The following ERI3 variants were observed in gnomAD, a reference collection of about 807,000 sequenced individuals.
ERI3 encodes ERI1 exoribonuclease family member 3.
ERI3 carries 18 observed loss-of-function variants against 44.4 expected under a neutral mutation model. That is an observed-to-expected ratio of 0.41 (90% CI 0.28 to 0.60). ERI3 has a LOEUF of 0.60. Ranked by LOEUF, ERI3 falls within the 20% of genes least tolerant of loss-of-function variation. The pLI, the probability that ERI3 is intolerant of heterozygous loss-of-function variation, is 0.36. For missense variants in ERI3, 294 were observed against 435.5 expected (o/e 0.68, Z 2.89); for synonymous variants, 183 against 164.8 (o/e 1.11, Z -0.84).
At chr1:44,285,015 G>T (rs1191409662) in intron 6 of ERI3, 108 bp from the exon 7 acceptor site, 12 of 928,034 alleles carry the variant, frequency 1.3e-5, no homozygotes, top group Non-Finnish European at 2.1e-5. Context: ...GACCTCAAAA[G>T]GTCAACCCAT....
chr1:44,305,955 G>A (rs564221310), intron 6 of ERI3, among the ~76,000 whole-genome samples: 13 of 152,332 alleles, frequency 8.5e-5, no homozygotes, highest in African/African-American at 2.6e-4. Flanking sequence ...AGCCTTTACC[G>A]GGCGCATAAA....
At chr1:44,275,990 C>T (rs1280538613) in intron 7 of ERI3, among the ~76,000 whole-genome samples, 3 of 152,180 alleles carry the variant, frequency 2.0e-5, no homozygotes, top group African/African-American at 7.2e-5. Context: ...CCTCAGGCTG[C>T]TTCCACTCAA....
At chr1:44,320,125 T>A (rs1057329494) in intron 3 of ERI3, among the ~76,000 whole-genome samples, 1 of 152,184 alleles carries the variant, frequency 6.6e-6, no homozygotes, top group Non-Finnish European at 1.5e-5. Context: ...ATGGGTCTGA[T>A]CTCCTGCCAT....
intron 3 of ERI3, among the ~76,000 whole-genome samples, chr1:44,320,494 T>A (rs1332086645): frequency 6.6e-6 from 1 of 152,092 alleles, no homozygotes; most frequent in Admixed American, 6.5e-5. Context: ...GCAAACAGGC[T>A]TGCAGAACGC....
chr1:44,236,261 G>T (rs1444633349), intron 8 of ERI3, among the ~76,000 whole-genome samples: 1 of 152,214 alleles, frequency 6.6e-6, no homozygotes, highest in Non-Finnish European at 1.5e-5. Flanking sequence ...TTTACTATCT[G>T]CCTATACGTG....
intron 7 of ERI3, among the ~76,000 whole-genome samples, chr1:44,248,700 A>AGTGTGTGTGTGT (rs1292976718): frequency 1.9e-5 from 2 of 106,502 alleles, no homozygotes; most frequent in African/African-American, 9.5e-5. Flanking sequence ...TGTGTGAGAG[A>AGTGTGTGTGTGT]GAGTGTGTGT....
intron 7 of ERI3, among the ~76,000 whole-genome samples, chr1:44,258,278 C>A (rs1196531897): frequency 6.6e-6 from 1 of 152,230 alleles, no homozygotes; most frequent in Non-Finnish European, 1.5e-5. Context: ...AGGCAAAGCA[C>A]TTTAAGTTTC....
intron 2 of ERI3, among the ~76,000 whole-genome samples, chr1:44,351,538 A>G (rs978084296): frequency 2.6e-5 from 4 of 152,232 alleles, no homozygotes; most frequent in African/African-American, 7.2e-5. Flanking sequence ...ACTTTCATGC[A>G]TAACTGCAGA....
chr1:44,251,156 G>T (rs1284192127), intron 7 of ERI3, among the ~76,000 whole-genome samples: 1 of 152,208 alleles, frequency 6.6e-6, no homozygotes, highest in Admixed American at 6.5e-5. Flanking sequence ...GCCAACATAT[G>T]GTCTGCCAAC....
intron 3 of ERI3, among the ~76,000 whole-genome samples, chr1:44,330,921 T>C (rs567652114): frequency 6.6e-6 from 1 of 152,216 alleles, no homozygotes; most frequent in South Asian, 2.1e-4. Flanking sequence ...TGGAGATCAG[T>C]CTACAAAAGA....
chr1:44,294,989 A>C (rs1250345626), intron 6 of ERI3, among the ~76,000 whole-genome samples: 2 of 152,236 alleles, frequency 1.3e-5, no homozygotes, highest in Non-Finnish European at 2.9e-5. Flanking sequence ...TACTCAAGAC[A>C]CAGCTGTACC....
At chr1:44,288,937 G>A (rs901413891) in intron 6 of ERI3, among the ~76,000 whole-genome samples, 1 of 152,182 alleles carries the variant, frequency 6.6e-6, no homozygotes, top group Non-Finnish European at 1.5e-5. Flanking sequence ...ACTGGCAGTG[G>A]GCCCTGGACT....
intron 3 of ERI3, among the ~76,000 whole-genome samples, chr1:44,328,047 G>C (rs751428185): frequency 1.3e-5 from 2 of 152,190 alleles, no homozygotes; most frequent in Non-Finnish European, 2.9e-5. Flanking sequence ...CATAGCCCCA[G>C]GGACTGCTGA....
rs1474340121 is a variant in ERI3 at position 44,252,029 on chromosome 1, T to C, written c.832-3991A>G. 6.6e-6 allele frequency among the ~76,000 whole-genome samples: 1 copy of C among 152,220 alleles called. No homozygotes were observed. Among genetic ancestry groups the C allele is most frequent in the Non-Finnish European group, 1.5e-5 (1 of 68,028 alleles). Reference sequence around the variant, plus strand: ...CCAAATCCTCTGGGTGCCACTTCTTTGGCTGCATCTCTCTCAGCCATCAGG... The same window carrying C: ...CCAAATCCTCTGGGTGCCACTTCTTCGGCTGCATCTCTCTCAGCCATCAGG... On this transcript the variant is annotated intron_variant, in intron 7 of 8. Coordinates refer to ENST00000372257, the MANE Select transcript of ERI3 (RefSeq NM_024066.3). The surrounding 1 kb of genome is among the most constrained non-coding windows in gnomAD (Gnocchi z 4.7).
chr1:44,236,708 C>T (rs985933158), intron 8 of ERI3, among the ~76,000 whole-genome samples: 8 of 152,040 alleles, frequency 5.3e-5, no homozygotes, highest in African/African-American at 1.9e-4. Flanking sequence ...GAGAGGGCAG[C>T]AGAGGACAGA....
rs1644713269 is a variant in ERI3, at chr1:44,253,000, T to TAA, written c.832-4963_832-4962insTT. On this transcript the variant is annotated intron_variant, in intron 7 of 8. Coordinates refer to ENST00000372257, the MANE Select transcript of ERI3 (RefSeq NM_024066.3). The surrounding 1 kb of genome is among the most constrained non-coding windows in gnomAD (Gnocchi z 4.7). The stretch of plus-strand genomic sequence containing the variant: ...GGATGACTTGTCACCCTGCAGGTGA[T>TAA]TGCTCAAGACTAGGAGCCAAATCAA... Among the ~76,000 whole-genome samples, 3 of 152,206 alleles carry TAA rather than the reference T, an allele frequency of 2.0e-5. No individual in the cohort carries two copies. The highest frequency in any genetic ancestry group is 2.0e-4 in the Admixed American group (3 of 15,288).
intron 7 of ERI3, among the ~76,000 whole-genome samples, chr1:44,276,212 G>A (rs145836111): frequency 2.6e-5 from 4 of 152,290 alleles, no homozygotes; most frequent in African/African-American, 7.2e-5. Flanking sequence ...GTCCCATCTC[G>A]AACATTAGGG....
intron 8 of ERI3, among the ~76,000 whole-genome samples, chr1:44,234,475 A>T (rs563392625): frequency 6.6e-6 from 1 of 152,140 alleles, no homozygotes; most frequent in Non-Finnish European, 1.5e-5. Flanking sequence ...CAGCCTGGCC[A>T]ACATGGCGAA....
At chr1:44,262,389 C>T (rs1051836513) in intron 7 of ERI3, among the ~76,000 whole-genome samples, 10 of 152,210 alleles carry the variant, frequency 6.6e-5, no homozygotes, top group Admixed American at 2.0e-4. Context: ...CTTCCTTCTC[C>T]GGGCTCTGGA....
Sources: allele counts gnomAD v4.1 joint callset (sites outside exome capture counted in the v4.1 genomes callset), GRCh38; gene constraint gnomAD v4.1.1; non-coding constraint Gnocchi (gnomAD v3.1); transcripts MANE v1.5; gene names NCBI Gene and HGNC (gene_info 2026-07-23, HGNC 2026-07-21).